Variants in CEMIP observed in about 807,000 individuals in gnomAD.
CEMIP encodes the protein cell migration-inducing and hyaluronan-binding protein.
A neutral mutation model predicts 156.9 loss-of-function variants in CEMIP; 105 were observed. The ratio of observed to expected loss-of-function variants is 0.67; its 90% CI spans 0.57 to 0.79. The LOEUF is 0.79. Among genes scored for constraint, CEMIP ranks in the 30% least tolerant of loss-of-function variants. The pLI is 0.00. For synonymous variants in CEMIP, 676 were observed against 668.4 expected, an observed-to-expected ratio of 1.01 and a Z score of -0.17; for missense variants, 1,457 against 1,769.4, an observed-to-expected ratio of 0.82 and a Z score of 3.17.
At chr15:80,943,519 A>G (rs1169485411) in intron 28 of CEMIP, among the ~76,000 whole-genome samples, 1 of 152,208 alleles carries the variant, frequency 6.6e-6, no homozygotes, top group Non-Finnish European at 1.5e-5. Flanking sequence ...GACATCTTGT[A>G]TGGAACTGAA....
chr15:80,936,460 T>G (rs3743042), intron 23 of CEMIP, among the ~76,000 whole-genome samples: 2 of 152,194 alleles, frequency 1.3e-5, no homozygotes, highest in East Asian at 3.8e-4. Flanking sequence ...ACAGAAAGCA[T>G]TAGCTGGATT....
intron 1 of CEMIP, among the ~76,000 whole-genome samples, chr15:80,831,347 G>C (rs954002093): frequency 6.6e-6 from 1 of 152,174 alleles, no homozygotes; most frequent in African/African-American, 2.4e-5. Flanking sequence ...AGCCTGTGAG[G>C]ATGTCTTTCT....
At chr15:80,914,986 T>C (rs1900214139) in intron 14 of CEMIP, among the ~76,000 whole-genome samples, 1 of 152,152 alleles carries the variant, frequency 6.6e-6, no homozygotes, top group Admixed American at 6.5e-5. Flanking sequence ...AAAGCTGTCC[T>C]CTTGTGCTGA....
At position 80,879,742 on chromosome 15, in the gene CEMIP, G is replaced by C; in HGVS notation, c.268G>C (p.Glu90Gln). 1 of 1,614,182 alleles carries C rather than the reference G, an allele frequency of 6.2e-7. No individual in the cohort carries two copies. Among genetic ancestry groups the C allele is most frequent in the Non-Finnish European group, 8.5e-7 (1 of 1,180,028 alleles). Residue 90 changes from glutamate (E) to glutamine (Q), a missense_variant, in exon 5 of 30, where the codon GAG becomes CAG. Around this residue, in one of 5 missense-constraint regions of CEMIP, gnomAD observed 309 missense variants for 340.8 expected, o/e 0.91. Coordinates refer to ENST00000394685, the MANE Select transcript of CEMIP (RefSeq NM_001293298.2). ...GGKLVIKDHD[E>Q]PIVLRTRHIL... ...CAAGCTGGTCATTAAAGACCACGACGAGCCGATTGTTTTGCGAACCCGGCA... is the reference window on the plus strand; with the variant it reads ...CAAGCTGGTCATTAAAGACCACGACCAGCCGATTGTTTTGCGAACCCGGCA...
intron 1 of CEMIP, among the ~76,000 whole-genome samples, chr15:80,818,938 C>T (rs961616474): frequency 6.6e-6 from 1 of 152,168 alleles, no homozygotes; most frequent in African/African-American, 2.4e-5. Flanking sequence ...GGAGTGGCTT[C>T]CAAACTCCTC....
chr15:80,903,193 T>C (rs114645696), intron 12 of CEMIP: 1 of 152,188 alleles, frequency 6.6e-6, no homozygotes, highest in African/African-American at 2.4e-5. Flanking sequence ...GGACACCATA[T>C]TTTAAGGTGG....
chr15:80,862,956 A>T (rs1156649512), intron 1 of CEMIP, among the ~76,000 whole-genome samples: 1 of 152,196 alleles, frequency 6.6e-6, no homozygotes, highest in African/African-American at 2.4e-5. Context: ...TATCGTGGGC[A>T]GCACCCTCTC....
intron 1 of CEMIP, among the ~76,000 whole-genome samples, chr15:80,864,668 G>T (rs1898077049): frequency 6.6e-6 from 1 of 152,188 alleles, no homozygotes; most frequent in African/African-American, 2.4e-5. Context: ...GCCCTTAAGT[G>T]GCAGGTCTGA....
chr15:80,866,342 C>T (rs1898125285), intron 1 of CEMIP, among the ~76,000 whole-genome samples: 1 of 152,128 alleles, frequency 6.6e-6, no homozygotes, highest in African/African-American at 2.4e-5. Flanking sequence ...GTAATCCCAG[C>T]ACTTTGGGAG....
chr15:80,821,759 G>A (rs1896915399), intron 1 of CEMIP, among the ~76,000 whole-genome samples: 1 of 152,178 alleles, frequency 6.6e-6, no homozygotes, highest in Non-Finnish European at 1.5e-5. Flanking sequence ...GTGCCCATGG[G>A]CCATGGAACA....
intron 21 of CEMIP, among the ~76,000 whole-genome samples, chr15:80,929,525 G>T (rs1441461314): frequency 6.6e-6 from 1 of 152,212 alleles, no homozygotes; most frequent in Non-Finnish European, 1.5e-5. Flanking sequence ...TCCTGAGGAT[G>T]GCAGAGCAAT....
intron 12 of CEMIP, among the ~76,000 whole-genome samples, chr15:80,899,608 G>T (rs529312256): frequency 6.6e-6 from 1 of 152,130 alleles, no homozygotes; most frequent in Non-Finnish European, 1.5e-5. Flanking sequence ...CCAAGAGGCC[G>T]GAGTAGCTGA....
At chr15:80,909,351 A>G in intron 14 of CEMIP, 45 bp downstream of exon 14, 1 of 1,591,720 alleles carries the variant, frequency 6.3e-7, no homozygotes, top group Non-Finnish European at 8.6e-7. Flanking sequence ...TGGGCCATGG[A>G]TGGTTAGCAC....
intron 1 of CEMIP, among the ~76,000 whole-genome samples, chr15:80,845,011 G>A (rs1204214906): frequency 6.6e-6 from 1 of 152,052 alleles, no homozygotes; most frequent in Non-Finnish European, 1.5e-5. Flanking sequence ...TTTGTAAAAC[G>A]ATTTTATGGA....
intron 19 of CEMIP, among the ~76,000 whole-genome samples, chr15:80,926,592 G>A (rs1900679124): frequency 6.6e-6 from 1 of 151,988 alleles, no homozygotes; most frequent in Non-Finnish European, 1.5e-5. Context: ...GGGAGAGAGA[G>A]AAAGGCTGCT....
At chr15:80,926,836 C>CTTTTTTTTTTT (rs796068914) in intron 19 of CEMIP, among the ~76,000 whole-genome samples, 1 of 106,768 alleles carries the variant, frequency 9.4e-6, no homozygotes, top group African/African-American at 5.2e-5. Context: ...GGGGGGTCTT[C>CTTTTTTTTTTT]TTTTTTTTTT....
At chr15:80,929,321 CAATT>C in intron 21 of CEMIP, 147 bp downstream of exon 21, 1 of 1,062,562 alleles carries the variant, frequency 9.4e-7, no homozygotes, top group Non-Finnish European at 1.4e-6. Context: ...CTGAGACTAA[CAATT>C]AAGGGATGAA....
chr15:80,839,689 C>T (rs906559963), intron 1 of CEMIP, among the ~76,000 whole-genome samples: 10 of 152,186 alleles, frequency 6.6e-5, no homozygotes, highest in Non-Finnish European at 1.2e-4. Flanking sequence ...AAAGTTCCAT[C>T]CTCTTCATCT....
intron 6 of CEMIP, among the ~76,000 whole-genome samples, chr15:80,883,748 G>A (rs193141190): frequency 6.0e-4 from 91 of 152,240 alleles, no homozygotes; most frequent in South Asian, 3.9e-3. Flanking sequence ...TGTTTTACTC[G>A]GATCAGAGAT....
Sources: allele counts gnomAD v4.1 joint callset (sites outside exome capture counted in the v4.1 genomes callset), GRCh38; gene constraint gnomAD v4.1.1; regional missense constraint gnomAD v4.1.1; transcripts MANE v1.5; gene names NCBI Gene and HGNC (gene_info 2026-07-23, HGNC 2026-07-21).